Variants in RNF213 observed in about 807,000 individuals in gnomAD.
RNF213 encodes E3 ubiquitin-protein ligase RNF213.
Under a neutral mutation model 514.4 loss-of-function variants are expected in RNF213, and 341 were observed. That is an observed-to-expected ratio of 0.66 (90% CI 0.61 to 0.73). The LOEUF is 0.73. Among genes scored for constraint, RNF213 ranks in the 30% least tolerant of loss-of-function variants. The probability of loss-of-function intolerance (pLI) is 0.00; values close to 1 mark genes in which losing one functional copy is unlikely to be tolerated. For missense variants in RNF213, 5,767 were observed against 6,615.6 expected (o/e 0.87, Z 4.45); for synonymous variants, 2,655 against 2,658.2 (o/e 1.00, Z 0.04).
chr17:80,328,144 A>G (rs2046326653), intron 19 of RNF213, among the ~76,000 whole-genome samples, 155 bp downstream of exon 19: 1 of 152,228 alleles, frequency 6.6e-6, no homozygotes, highest in Non-Finnish European at 1.5e-5. Flanking sequence ...GGGGTGGTTT[A>G]TAATTCTCAA....
intron 3 of RNF213, among the ~76,000 whole-genome samples, chr17:80,279,410 A>G (rs546478345): frequency 6.6e-6 from 1 of 152,072 alleles, no homozygotes; most frequent in South Asian, 2.1e-4. Context: ...TGCTCAGTTT[A>G]GTCTCTGGTT....
rs775973536 is a variant in RNF213, at chr17:80,360,131, G to A, written c.11125G>A (p.Val3709Ile). The A allele has an allele frequency of 3.2e-5, 52 of 1,613,932 alleles. No individual in the cohort carries two copies. Among genetic ancestry groups the A allele is most frequent in the Non-Finnish European group, 3.5e-5 (41 of 1,179,992 alleles). ...MNLSENASNN[V>I]PFSWKIKDYL... ...CCTTTCCGAGAACGCTTCCAACAACGTCCCTTTCAGCTGGAAAATCAAGGA... is the reference window on the plus strand; with the variant it reads ...CCTTTCCGAGAACGCTTCCAACAACATCCCTTTCAGCTGGAAAATCAAGGA... The change falls in exon 38 of 68, where the codon GTC (valine) becomes ATC (isoleucine). Residue 3709 changes from valine (V) to isoleucine (I), a missense_variant. Val to Ile is a conservative substitution (Grantham distance 29, BLOSUM62 3). Coordinates refer to ENST00000582970, the MANE Select transcript of RNF213 (RefSeq NM_001256071.3).
Position 80,378,003 on chromosome 17 carries a change from G to A in RNF213, c.13545+207G>A, listed in dbSNP as rs565841776. ...GCTTCTCAGACTCAGCACTGTGGAC[G>A]TGGCTCTGCGGCGTGGGCTGTCCTG... is the stretch of plus-strand genomic sequence containing the variant. On this transcript the variant is annotated intron_variant, in intron 54 of 67. Coordinates refer to ENST00000582970, the MANE Select transcript of RNF213 (RefSeq NM_001256071.3). Among the ~76,000 whole-genome samples, 5 of 152,318 alleles carry A rather than the reference G, an allele frequency of 3.3e-5. No homozygotes were observed. The South Asian group carries it at 1.0e-3, about 32-fold the overall frequency.
chr17:80,389,779 G>A lies in RNF213; in HGVS notation c.15196-49G>A, dbSNP rs775488668. On this transcript the variant is annotated intron_variant, in intron 65 of 67. Coordinates refer to ENST00000582970, the MANE Select transcript of RNF213 (RefSeq NM_001256071.3). Reference sequence around the variant, plus strand: ...AGGCTCCCTGGTGCACGACATGAGTGGGGGTGTGAGACCTCAGCCCCCACT... The same window carrying A: ...AGGCTCCCTGGTGCACGACATGAGTAGGGGTGTGAGACCTCAGCCCCCACT... 3.4e-6 allele frequency: 5 copies of A among 1,484,598 alleles called. No individual in the cohort carries two copies. In the South Asian group the frequency reaches 3.4e-5, roughly 10 times the overall value. The allele number at this position is 1,484,598 out of a possible 1,614,324, so 92.0% of individuals were successfully genotyped here.
chr17:80,333,054 C>CT (rs112975996), intron 21 of RNF213, among the ~76,000 whole-genome samples: 8,545 of 143,472 alleles, frequency 0.06, 692 homozygotes, highest in African/African-American at 0.19. Context: ...GACTCTTTTG[C>CT]TTTTTTTTTT....
chr17:80,298,562 T>C (rs191648285), intron 11 of RNF213, 44 bp downstream of exon 11: 235 of 1,609,584 alleles, frequency 1.5e-4, no homozygotes, highest in Middle Eastern at 1.3e-3. Context: ...CTGGGAAGAC[T>C]GACTCCTACA....
chr17:80,385,105 C>G lies in RNF213; in HGVS notation c.14389C>G (p.Gln4797Glu), dbSNP rs139774904. The change falls in exon 60 of 68, where the codon CAG (glutamine) becomes GAG (glutamate). Residue 4797 changes from glutamine (Q) to glutamate (E), a missense_variant. By Grantham distance (29) the Gln-to-Glu change is conservative. Around this residue, in one of 13 missense-constraint regions of RNF213, gnomAD observed 1,245 missense variants for 1,339.0 expected, o/e 0.93. Coordinates refer to ENST00000582970, the MANE Select transcript of RNF213 (RefSeq NM_001256071.3). Reference sequence around the variant, plus strand: ...GGCCTTGCAAAGGGATCTAGTGAAGCAGTTCCAGAACGTCCAGCAAGTTGA... The same window carrying G: ...GGCCTTGCAAAGGGATCTAGTGAAGGAGTTCCAGAACGTCCAGCAAGTTGA... The part of the protein sequence containing the change: ...ILALQRDLVK[Q>E]FQNVQQVEYS... The G allele has an allele frequency of 1.2e-5, 20 of 1,613,994 alleles. No homozygotes were observed. Among genetic ancestry groups the G allele is most frequent in the Non-Finnish European group, 1.6e-5 (19 of 1,179,942 alleles).
chr17:80,306,181 A>T, intron 11 of RNF213, 71 bp from the exon 12 acceptor site: 1 of 1,423,018 alleles, frequency 7.0e-7, no homozygotes, highest in African/African-American at 1.4e-5. Context: ...TCCCTCCAGC[A>T]TTGGTTTCCT....
At chr17:80,278,157 C>T (rs1410370404) in intron 3 of RNF213, among the ~76,000 whole-genome samples, 1 of 152,206 alleles carries the variant, frequency 6.6e-6, no homozygotes, top group Non-Finnish European at 1.5e-5. Flanking sequence ...GGGTTGGAGG[C>T]ATCGGCAGGC....
chr17:80,389,095 G>C (rs2144659371), intron 64 of RNF213, 78 bp from the exon 65 acceptor site: 1 of 1,401,600 alleles, frequency 7.1e-7, no homozygotes, highest in East Asian at 2.3e-5. Flanking sequence ...GCAGTGAAGG[G>C]GCTCGGCTCT....
At position 80,353,724 on chromosome 17, in the gene RNF213, T is replaced by C. The variant is rs1296785452; in HGVS notation, c.10578+58T>C. On this transcript the variant is annotated intron_variant, in intron 34 of 67. Coordinates refer to ENST00000582970, the MANE Select transcript of RNF213 (RefSeq NM_001256071.3). This position sits in a 1 kb window ranked among gnomAD's most constrained non-coding sequence, Gnocchi z 5.0. Reference sequence around the variant, plus strand: ...CTGCTGGTGATGCTTCTGAGCTGCATCTTTAAACGCTTTTGCATTGGGAGC... The same window carrying C: ...CTGCTGGTGATGCTTCTGAGCTGCACCTTTAAACGCTTTTGCATTGGGAGC... The C allele has an allele frequency of 1.2e-6, 2 of 1,608,890 alleles. No homozygotes were observed. Among genetic ancestry groups the C allele is most frequent in the Non-Finnish European group, 1.7e-6 (2 of 1,175,524 alleles).
rs567634067 is a variant in RNF213 at position 80,332,262 on chromosome 17, T to G, written c.3774T>G (p.Ser1258Arg). ...ACCAGGAAGCCGCAGAGTTGCTGAG[T>G]GAGCCCGAAGAAGAATCAGAAAGGC... is the stretch of plus-strand genomic sequence containing the variant. ...KEDQEAAELL[S>R]EPEEESERHI... The change falls in exon 21 of 68, where the codon AGT becomes AGG. Residue 1258 changes from serine to arginine, a missense_variant. Physicochemically the swap from Ser to Arg is moderately radical, Grantham distance 110. Transcript: ENST00000582970. The G allele has an allele frequency of 4.3e-5, 66 of 1,537,138 alleles. No individual in the cohort carries two copies. The African/African-American group carries it at 9.0e-4, about 21-fold the overall frequency.
Position 80,385,422 on chromosome 17 carries a change from C to G in RNF213, c.14456-116C>G, listed in dbSNP as rs1450876683. 5 of 992,258 alleles carry G rather than the reference C, an allele frequency of 5.0e-6. No homozygotes were observed. The East Asian group carries it at 1.0e-4, about 20-fold the overall frequency. 61.5% of individuals were successfully genotyped at this position (992,258 alleles called of 1,614,324 possible). ...TCCTTCAAACAGCACCTCAGACATGCTTGTGACTGCACAAAGCAGGAAAGA... is the reference window on the plus strand; with the variant it reads ...TCCTTCAAACAGCACCTCAGACATGGTTGTGACTGCACAAAGCAGGAAAGA... On this transcript the variant is annotated intron_variant, in intron 60 of 67. Transcript: ENST00000582970.
In RNF213 at chr17:80,390,112, TC is replaced by T. The variant is rs2080403438; in HGVS notation, c.15388del (p.Leu5130CysfsTer2). ...CTAAATCAGACTGGCCTAGACGCCTTCCTGCTAGAGCTGCACGAAATGATAA... is the reference window on the plus strand; with the variant it reads ...CTAAATCAGACTGGCCTAGACGCCTTCTGCTAGAGCTGCACGAAATGATAA... The part of the protein sequence containing the change: ...TFLNQTGLDA[F>X]LLELHEMIIL... On this transcript the variant is annotated frameshift_variant, in exon 67 of 68. Transcript: ENST00000582970. LOFTEE classifies it high-confidence loss of function. The T allele has an allele frequency of 6.2e-7, 1 of 1,614,076 alleles. No individual in the cohort carries two copies. The highest frequency in any genetic ancestry group is 1.3e-5 in the African/African-American group (1 of 74,928).
At chr17:80,391,502 C>G (rs2080470330) in intron 67 of RNF213, among the ~76,000 whole-genome samples, 1 of 152,056 alleles carries the variant, frequency 6.6e-6, no homozygotes, top group Admixed American at 6.6e-5. Context: ...GAGCTCCTGA[C>G]CTCAAGTGAT....
rs1568043863 is a variant in RNF213 at position 80,309,005 on chromosome 17, C to G, written c.2502-13C>G. On this transcript the variant is annotated splice_polypyrimidine_tract_variant and intron_variant, in intron 13 of 67. Transcript: ENST00000582970. The stretch of plus-strand genomic sequence containing the variant: ...ATCCTTGCCGGGATTTCTCTTAACT[C>G]TTTGCGGGGCAGGATTCCCGAGGAG... 1 of 1,613,766 alleles carries G rather than the reference C, an allele frequency of 6.2e-7. No individual in the cohort carries two copies. The highest frequency in any genetic ancestry group is 2.2e-5 in the East Asian group (1 of 44,886).
chr17:80,368,730 G>C lies in RNF213; in HGVS notation c.12155+587G>C, dbSNP rs150107779. Among the ~76,000 whole-genome samples, 336 of 152,300 alleles carry C rather than the reference G, an allele frequency of 2.2e-3. 3 individuals carry two copies. Among genetic ancestry groups the C allele is most frequent in the African/African-American group, 7.7e-3 (319 of 41,572 alleles). ...TTACAGGCATGAGTGACCACACCTG[G>C]CCGACGCCACTGGTTTTAATGCATC... On this transcript the variant is annotated intron_variant, in intron 44 of 67. Transcript: ENST00000582970.
Position 80,380,826 on chromosome 17 carries a change from T to C in RNF213, c.13641-5T>C. 1.2e-6 allele frequency: 2 copies of C among 1,614,204 alleles called. No individual in the cohort carries two copies. Among genetic ancestry groups the C allele is most frequent in the Non-Finnish European group, 1.7e-6 (2 of 1,180,046 alleles). ...CTCTGTCTTGTGTTCTCTCGTTCTT[T>C]CCAGAGACAAGGCAGACAGAACGCA... On this transcript the variant is annotated splice_region_variant and splice_polypyrimidine_tract_variant and intron_variant, in intron 55 of 67. Transcript: ENST00000582970.
intron 9 of RNF213, 99 bp from the exon 10 acceptor site, chr17:80,295,458 T>G: frequency 6.8e-7 from 1 of 1,471,854 alleles, no homozygotes; most frequent in Non-Finnish European, 9.4e-7. Flanking sequence ...GGGGCACGGA[T>G]GGGGTCTGCT....
Sources: allele counts gnomAD v4.1 joint callset (sites outside exome capture counted in the v4.1 genomes callset), GRCh38; gene constraint gnomAD v4.1.1; regional missense constraint gnomAD v4.1.1; non-coding constraint Gnocchi (gnomAD v3.1); transcripts MANE v1.5; gene names NCBI Gene and HGNC (gene_info 2026-07-23, HGNC 2026-07-21).